The following ZNF280A variants were observed in gnomAD, a reference collection of about 807,000 sequenced individuals.
ZNF280A encodes suppressor of hairy wing homolog 1.
A neutral mutation model predicts 35.9 loss-of-function variants in ZNF280A; 26 were observed. That is an observed-to-expected ratio of 0.72 (90% CI 0.53 to 1.01). ZNF280A has a LOEUF of 1.01. Among genes scored for constraint, ZNF280A ranks in the 50% least tolerant of loss-of-function variants. The pLI is 0.00. For missense variants in ZNF280A, 654 were observed against 652.0 expected (o/e 1.00, Z -0.03); for synonymous variants, 231 against 232.9 (o/e 0.99, Z 0.07).
rs146182418 is a variant in ZNF280A, at chr22:22,515,526, A to C, written c.105T>G (p.Val35=). ...CATCTCTATGTACATGCTCCACCCC[A>C]ACATAGATCAGATCTGGATCTTCAT... The part of the protein sequence containing the change: ...EDDEDPDLIY[V]GVEHVHRDAE... Residue 35 remains valine, a synonymous_variant, in exon 2 of 2, where the codon GTT becomes GTG. Coordinates refer to ENST00000302097, the MANE Select transcript of ZNF280A (RefSeq NM_080740.5). The C allele has an allele frequency of 1.2e-5, 20 of 1,613,738 alleles. No homozygotes were observed. In the African/African-American group the frequency reaches 2.1e-4, roughly 17 times the overall value.
rs1274567684 is a variant in ZNF280A at position 22,514,364 on chromosome 22, A to C, written c.1267T>G (p.Leu423Val). ...AGTTTGAGACAAAACAGACAAAGCA[A>C]ATTCTTTGTGTTTTCATGGCACGTT... ...FRTCHENTKN[L>V]LCLFCLKLFK... Residue 423 changes from leucine (L) to valine (V), a missense_variant, in exon 2 of 2, where the codon TTG becomes GTG. Leu to Val is a conservative substitution (Grantham distance 32). Transcript: ENST00000302097. 6.2e-7 allele frequency: 1 copy of C among 1,613,900 alleles called. No homozygotes were observed. Among genetic ancestry groups the C allele is most frequent in the Admixed American group, 1.7e-5 (1 of 59,978 alleles).
At chr22:22,518,736 G>A (rs995481393) in intron 1 of ZNF280A, among the ~76,000 whole-genome samples, 48 of 147,890 alleles carry the variant, frequency 3.2e-4, no homozygotes, top group African/African-American at 1.1e-3. Flanking sequence ...TGCAGTGAGC[G>A]AAGATCGCAC....
chr22:22,513,929 A>C lies in ZNF280A; in HGVS notation c.*73T>G. On this transcript the variant is annotated 3_prime_UTR_variant, in exon 2 of 2. Transcript: ENST00000302097. Reference sequence around the variant, plus strand: ...TTGATGACATTGCTTGCTAGCATCTACAGCCACAATGCACATATGGCCTAG... The same window carrying C: ...TTGATGACATTGCTTGCTAGCATCTCCAGCCACAATGCACATATGGCCTAG... 3 of 853,046 alleles carry C rather than the reference A, an allele frequency of 3.5e-6. No homozygotes were observed. Among genetic ancestry groups the C allele is most frequent in the Non-Finnish European group, 5.7e-6 (3 of 529,102 alleles). The allele number at this position is 853,046 out of a possible 1,614,324, so 52.8% of individuals were successfully genotyped here.
In ZNF280A at chr22:22,513,947, T is replaced by C; in HGVS notation, c.*55A>G. Reference sequence around the variant, plus strand: ...AGCATCTACAGCCACAATGCACATATGGCCTAGCCTCACTTCTGCCTTTCG... The same window carrying C: ...AGCATCTACAGCCACAATGCACATACGGCCTAGCCTCACTTCTGCCTTTCG... On this transcript the variant is annotated 3_prime_UTR_variant, in exon 2 of 2. Transcript: ENST00000302097. 1.0e-6 allele frequency: 1 copy of C among 1,001,284 alleles called. No homozygotes were observed. Among genetic ancestry groups the C allele is most frequent in the Non-Finnish European group, 1.5e-6 (1 of 660,364 alleles). 62.0% of individuals were successfully genotyped at this position (1,001,284 alleles called of 1,614,324 possible).
At chr22:22,517,316 G>A (rs1273623565) in intron 1 of ZNF280A, among the ~76,000 whole-genome samples, 6 of 152,000 alleles carry the variant, frequency 3.9e-5, no homozygotes, top group Admixed American at 3.9e-4. Flanking sequence ...AGGGCAGGGA[G>A]TTGTGTTTCA....
At chr22:22,517,632 T>A (rs1254551122) in intron 1 of ZNF280A, among the ~76,000 whole-genome samples, 1 of 152,004 alleles carries the variant, frequency 6.6e-6, no homozygotes. Context: ...TTATTGATTC[T>A]AAGGTATAGG....
intron 1 of ZNF280A, among the ~76,000 whole-genome samples, chr22:22,516,443 CTCTA>C (rs1394043972): frequency 4.6e-5 from 7 of 151,932 alleles, no homozygotes; most frequent in Non-Finnish European, 8.8e-5. Context: ...AGCTAGTCTG[CTCTA>C]TCTTTTAAAG....
At chr22:22,515,779 A>C in intron 1 of ZNF280A, 78 bp from the exon 2 acceptor site, 1 of 1,239,420 alleles carries the variant, frequency 8.1e-7, no homozygotes, top group Non-Finnish European at 1.1e-6. Context: ...CTCCCTTAAA[A>C]CACTGAGATA....
At chr22:22,518,160 C>T (rs1027184937) in intron 1 of ZNF280A, among the ~76,000 whole-genome samples, 1 of 151,664 alleles carries the variant, frequency 6.6e-6, no homozygotes, top group Admixed American at 6.6e-5. Context: ...CTCCTGACCT[C>T]GTGATCCGCC....
chr22:22,515,077 T>G lies in ZNF280A; in HGVS notation c.554A>C (p.Asp185Ala), dbSNP rs1204326304. Residue 185 changes from aspartate to alanine, a missense_variant, in exon 2 of 2, where the codon GAT (aspartate) becomes GCT (alanine). By Grantham distance (126) the Asp-to-Ala change is moderately radical (BLOSUM62 -2). Transcript: ENST00000302097. ...TAAAGAAGGTACCCCTGGGATTCCA[T>G]CCCTGAGTTTAACCCTTTTGGAATC... Reference protein sequence around the residue: ...SRDSKRVKLRDGIPGVPSLAV... With the variant: ...SRDSKRVKLRAGIPGVPSLAV... The G allele has an allele frequency of 6.2e-7, 1 of 1,613,906 alleles. No homozygotes were observed. The highest frequency in any genetic ancestry group is 2.2e-5 in the East Asian group (1 of 44,790).
At chr22:22,515,808 T>C (rs1193249847) in intron 1 of ZNF280A, 107 bp from the exon 2 acceptor site, 3 of 1,042,324 alleles carry the variant, frequency 2.9e-6, no homozygotes, top group Non-Finnish European at 3.9e-6. Flanking sequence ...CATCTCTATT[T>C]TACACGTCAG....
Position 22,514,211 on chromosome 22 carries a change from G to T in ZNF280A, c.1420C>A (p.His474Asn), listed in dbSNP as rs1205149719. ...KEEIEHKTKD[H>N]QTFKKPEQLQ... ...TGCTCCGGCTTTTTAAATGTTTGATGGTCCTTGGTTTTGTGCTCTATTTCC... is the reference window on the plus strand; with the variant it reads ...TGCTCCGGCTTTTTAAATGTTTGATTGTCCTTGGTTTTGTGCTCTATTTCC... Residue 474 changes from histidine to asparagine, a missense_variant, in exon 2 of 2, where the codon CAT (histidine) becomes AAT (asparagine). Transcript: ENST00000302097. The T allele has an allele frequency of 6.2e-7, 1 of 1,613,638 alleles. No individual in the cohort carries two copies. Among genetic ancestry groups the T allele is most frequent in the Admixed American group, 1.7e-5 (1 of 59,924 alleles).
In ZNF280A at chr22:22,515,401, C is replaced by T; in HGVS notation, c.230G>A (p.Gly77Asp). The change falls in exon 2 of 2, where the codon GGC (glycine) becomes GAC (aspartate). Residue 77 changes from glycine (G) to aspartate (D), a missense_variant. Gly to Asp is a moderately conservative substitution (Grantham distance 94). Transcript: ENST00000302097. ...TPGSNSRRKK[G>D]HFRQYPAHVS... ...GTGAGCAGGATATTGACGGAAGTGG[C>T]CTTTCTTTCTTCTTGAATTTGAGCC... 6.2e-7 allele frequency: 1 copy of T among 1,613,812 alleles called. No homozygotes were observed. The highest frequency in any genetic ancestry group is 8.5e-7 in the Non-Finnish European group (1 of 1,179,960).
intron 1 of ZNF280A, among the ~76,000 whole-genome samples, chr22:22,518,436 CTTTTT>C (rs1046757409): frequency 6.6e-6 from 1 of 151,150 alleles, no homozygotes; most frequent in East Asian, 2.0e-4. Flanking sequence ...TGTTTTCTTA[CTTTTT>C]TTTTATTAAG....
intron 1 of ZNF280A, among the ~76,000 whole-genome samples, chr22:22,516,622 T>C (rs2062074660): frequency 6.6e-6 from 1 of 151,876 alleles, no homozygotes; most frequent in Non-Finnish European, 1.5e-5. Context: ...GGGGAGCAAG[T>C]ATATTTCGCT....
At position 22,514,613 on chromosome 22, in the gene ZNF280A, G is replaced by A. The variant is rs1399402399; in HGVS notation, c.1018C>T (p.His340Tyr). The A allele has an allele frequency of 3.1e-6, 5 of 1,613,782 alleles. No individual in the cohort carries two copies. The highest frequency in any genetic ancestry group is 8.5e-7 in the Non-Finnish European group (1 of 1,179,980). Residue 340 changes from histidine (H) to tyrosine (Y), a missense_variant, in exon 2 of 2, where the codon CAC becomes TAC. By Grantham distance (83) the His-to-Tyr change is moderately conservative. Transcript: ENST00000302097. ...TGGAAGGGAGTGGGAAACTGCCGGTGGCAGTGCTGGCAGGTGGTGTGGTCT... is the reference window on the plus strand; with the variant it reads ...TGGAAGGGAGTGGGAAACTGCCGGTAGCAGTGCTGGCAGGTGGTGTGGTCT... ...WEDHTTCQHC[H>Y]RQFPTPFQLQ...
intron 1 of ZNF280A, among the ~76,000 whole-genome samples, chr22:22,518,000 C>G (rs942413967): frequency 4.4e-4 from 66 of 150,656 alleles, no homozygotes; most frequent in African/African-American, 1.6e-3. Context: ...TCTCGGCTCA[C>G]TGCAGGCTCC....
chr22:22,518,562 C>T (rs952519236), intron 1 of ZNF280A, among the ~76,000 whole-genome samples: 34 of 151,292 alleles, frequency 2.2e-4, no homozygotes, highest in African/African-American at 8.0e-4. Flanking sequence ...CCGAGGTGGG[C>T]AGATCACTTG....
At chr22:22,515,725 G>A (rs2062061869) in intron 1 of ZNF280A, 24 bp from the exon 2 acceptor site, 5 of 1,496,810 alleles carry the variant, frequency 3.3e-6, no homozygotes, top group Non-Finnish European at 4.4e-6. Flanking sequence ...TGTGACAATA[G>A]TCAATATTTA....
Sources: gnomAD v4.1 joint callset for allele counts (sites outside exome capture counted in the v4.1 genomes callset) on GRCh38, gnomAD v4.1.1 for gene constraint, MANE v1.5 for transcripts, NCBI Gene and HGNC (gene_info 2026-07-23, HGNC 2026-07-21) for gene names.